TENM2: variants seen among roughly 807,000 people sequenced by gnomAD.
TENM2 encodes the protein teneurin-2.
Under a neutral mutation model 245.2 loss-of-function variants are expected in TENM2, and 52 were observed. The ratio of observed to expected loss-of-function variants is 0.21; its 90% CI spans 0.17 to 0.27. TENM2 has a LOEUF of 0.27. Among genes scored for constraint, TENM2 ranks in the 10% least tolerant of loss-of-function variants. TENM2 has a pLI of 1.00. For synonymous variants in TENM2, 1,363 were observed against 1,438.9 expected (o/e 0.95, Z 1.19); for missense variants, 3,046 against 3,666.8 (o/e 0.83, Z 4.37).
At chr5:168,115,092 G>A (rs189705764) in intron 9 of TENM2, among the ~76,000 whole-genome samples, 113 of 152,098 alleles carry the variant, frequency 7.4e-4, no homozygotes, top group African/African-American at 2.7e-3. Context: ...TCAGGAGTTC[G>A]AGACCAGCCT....
chr5:167,975,510 ATG>A (rs1782372267), intron 4 of TENM2, among the ~76,000 whole-genome samples: 1 of 151,176 alleles, frequency 6.6e-6, no homozygotes, highest in African/African-American at 2.4e-5. Context: ...GTCAGTGGGT[ATG>A]TGTCTGGCCT....
intron 2 of TENM2, among the ~76,000 whole-genome samples, chr5:167,849,900 C>T (rs1770413583): frequency 6.6e-6 from 1 of 152,112 alleles, no homozygotes; most frequent in Non-Finnish European, 1.5e-5. Context: ...CCAGGAACTT[C>T]CACAGATTGA....
intron 3 of TENM2, among the ~76,000 whole-genome samples, chr5:167,943,097 G>A (rs1254791852): frequency 1.3e-5 from 2 of 152,204 alleles, no homozygotes; most frequent in Non-Finnish European, 2.9e-5. Context: ...TGTTTATATA[G>A]TATGGAGAAA....
chr5:167,776,897 C>A (rs1377775349), intron 2 of TENM2, among the ~76,000 whole-genome samples: 2 of 152,058 alleles, frequency 1.3e-5, no homozygotes, highest in Non-Finnish European at 2.9e-5. Flanking sequence ...TGTATCCATA[C>A]CTAATTTGAC....
the TENM2 span, among the ~76,000 whole-genome samples, chr5:167,150,436 A>T: frequency 6.6e-6 from 1 of 152,214 alleles, no homozygotes. Context: ...AGTAAATTTA[A>T]TGAGTGTATT....
At chr5:167,287,558 G>A (rs1696105949) in intron 1 of TENM2, 1 of 152,150 alleles carries the variant, frequency 6.6e-6, no homozygotes, top group South Asian at 2.1e-4. Flanking sequence ...AGAATTGCCA[G>A]CCAGCAAAAG....
intron 3 of TENM2, among the ~76,000 whole-genome samples, chr5:167,951,071 G>C (rs1780057030): frequency 2.0e-5 from 3 of 152,116 alleles, no homozygotes; most frequent in Admixed American, 1.3e-4. Context: ...GTTTTTGTTG[G>C]TCAGGATGCT....
chr5:167,607,537 A>G (rs1374480268), intron 2 of TENM2, among the ~76,000 whole-genome samples: 1 of 152,152 alleles, frequency 6.6e-6, no homozygotes, highest in Non-Finnish European at 1.5e-5. Context: ...GATGACCATT[A>G]CTTCGGGCCT....
At chr5:167,826,009 A>G (rs987809649) in intron 2 of TENM2, among the ~76,000 whole-genome samples, 1 of 152,070 alleles carries the variant, frequency 6.6e-6, no homozygotes, top group Non-Finnish European at 1.5e-5. Flanking sequence ...CCCGCAGCCC[A>G]ACACGTCGTG....
intron 2 of TENM2, among the ~76,000 whole-genome samples, chr5:167,660,771 A>G (rs1389666312): frequency 5.3e-5 from 8 of 152,132 alleles, no homozygotes; most frequent in African/African-American, 1.9e-4. Context: ...ATCTAAAGGA[A>G]AGTACATTCT....
At chr5:167,875,877 T>TC (rs1773377724) in intron 2 of TENM2, 109 bp from the exon 5 acceptor site, 3 of 223,704 alleles carry the variant, frequency 1.3e-5, no homozygotes, top group Non-Finnish European at 2.4e-5. Context: ...GTTCATTTCT[T>TC]TTTTTTTTTT....
At chr5:167,055,216 A>T in the TENM2 span, among the ~76,000 whole-genome samples, 8 of 152,266 alleles carry the variant, frequency 5.3e-5, no homozygotes, top group African/African-American at 1.9e-4. Context: ...AGGGCACAAC[A>T]TCTTTATCTA....
chr5:168,011,784 T>C (rs1469253011), intron 5 of TENM2, among the ~76,000 whole-genome samples: 2 of 152,200 alleles, frequency 1.3e-5, no homozygotes, highest in South Asian at 4.1e-4. Context: ...CCGCTGAATG[T>C]AAATCTTCCT....
intron 12 of TENM2, among the ~76,000 whole-genome samples, chr5:168,154,147 T>TAAAAAAAAAAAAAAAAAAAAAAAAAA (rs70976465): frequency 1.3e-4 from 11 of 85,054 alleles, no homozygotes; most frequent in Non-Finnish European, 2.5e-4. Context: ...TCACCTACTT[T>TAAAAAAAAAAAAAAAAAAAAAAAAAA]AAAAAAAAAA....
intron 27 of TENM2, among the ~76,000 whole-genome samples, chr5:168,257,964 G>C (rs1010306525): frequency 2.6e-5 from 4 of 152,128 alleles, no homozygotes; most frequent in Non-Finnish European, 5.9e-5. Flanking sequence ...AAGGAATGTG[G>C]GGTGCAGAGC....
chr5:166,982,241 T>C, the TENM2 span, among the ~76,000 whole-genome samples: 1 of 152,112 alleles, frequency 6.6e-6, no homozygotes, highest in South Asian at 2.1e-4. Context: ...TCAATCACAT[T>C]TGGCTGTATT....
intron 2 of TENM2, among the ~76,000 whole-genome samples, chr5:167,580,129 G>A (rs1307355719): frequency 6.6e-6 from 1 of 152,178 alleles, no homozygotes; most frequent in Non-Finnish European, 1.5e-5. Flanking sequence ...CCAGCATGGG[G>A]ATTATCCAGA....
intron 17 of TENM2, among the ~76,000 whole-genome samples, chr5:168,201,910 C>T (rs557022862): frequency 6.6e-6 from 1 of 152,234 alleles, no homozygotes; most frequent in Non-Finnish European, 1.5e-5. Context: ...GGCTATTTGG[C>T]CTGTTCCTCT....
chr5:167,357,558 C>T (rs1427838279), intron 1 of TENM2, among the ~76,000 whole-genome samples: 1 of 152,104 alleles, frequency 6.6e-6, no homozygotes, highest in Non-Finnish European at 1.5e-5. Context: ...CTTTGCCCGG[C>T]CGAGCCATCC....
Sources: gnomAD v4.1 joint callset for allele counts (sites outside exome capture counted in the v4.1 genomes callset) on GRCh38, gnomAD v4.1.1 for gene constraint, MANE v1.5 for transcripts, NCBI Gene and HGNC (gene_info 2026-07-23, HGNC 2026-07-21) for gene names.